Variants in SREBF2 observed in about 807,000 individuals in gnomAD.
SREBF2 encodes sterol regulatory element-binding protein 2.
In SREBF2, 55 loss-of-function variants were observed where a neutral mutation model predicts 113.1. That is an observed-to-expected ratio of 0.49 (90% CI 0.39 to 0.61). The LOEUF (loss-of-function observed/expected upper bound fraction) is 0.61. SREBF2 is among the 20% of genes least tolerant of loss of function. The pLI is 0.00. For missense variants in SREBF2, 1,349 were observed against 1,487.4 expected, an observed-to-expected ratio of 0.91 and a Z score of 1.53; for synonymous variants, 593 against 605.7, an observed-to-expected ratio of 0.98 and a Z score of 0.31.
chr22:41,896,560 C>T (rs569120269), intron 13 of SREBF2, among the ~76,000 whole-genome samples: 1 of 152,278 alleles, frequency 6.6e-6, no homozygotes, highest in South Asian at 2.1e-4. Flanking sequence ...AGAGTTTCAC[C>T]ATTGGTCAGG....
At chr22:41,872,282 C>T (rs1414296356) in intron 4 of SREBF2, among the ~76,000 whole-genome samples, 7 of 150,988 alleles carry the variant, frequency 4.6e-5, no homozygotes, top group Non-Finnish European at 1.0e-4. Flanking sequence ...TGTGTCAAGC[C>T]AAAGGAGTTC....
At chr22:41,855,019 T>TAA (rs746090034) in intron 1 of SREBF2, among the ~76,000 whole-genome samples, 17,176 of 138,382 alleles carry the variant, frequency 0.12, 1,489 homozygotes, top group Admixed American at 0.31. Flanking sequence ...TGTGCAGCAT[T>TAA]AAAAAAAAAA....
Position 41,833,630 on chromosome 22 carries a change from C to T in SREBF2, c.88+272C>T, listed in dbSNP as rs1190474061. On this transcript the variant is annotated intron_variant, in intron 1 of 18. Coordinates refer to ENST00000361204, the MANE Select transcript of SREBF2 (RefSeq NM_004599.4). This position sits in a 1 kb window ranked among gnomAD's most constrained non-coding sequence, Gnocchi z 4.1. The stretch of plus-strand genomic sequence containing the variant: ...GGGTTCCAGAGCGCGGGGCTAGGGA[C>T]GTCGCGGGGGCGTCTCAGGGAGCGG... 3.0e-5 allele frequency: 11 copies of T among 368,770 alleles called. No individual in the cohort carries two copies. Among genetic ancestry groups the T allele is most frequent in the Non-Finnish European group, 5.3e-5 (11 of 207,554 alleles). 22.8% of individuals were successfully genotyped at this position (368,770 alleles called of 1,614,324 possible). A position where few individuals can be genotyped will look rare whatever the true frequency, so the allele number is the denominator to read the frequency against.
chr22:41,891,198 C>T (rs562833042), intron 11 of SREBF2: 11 of 152,190 alleles, frequency 7.2e-5, no homozygotes, highest in African/African-American at 2.7e-4. Flanking sequence ...CCACCACCCC[C>T]CAATCTCCCT....
intron 17 of SREBF2, chr22:41,904,443 G>A (rs983457398): frequency 1.4e-4 from 54 of 398,600 alleles, no homozygotes; most frequent in Non-Finnish European, 2.3e-4. Flanking sequence ...CTAAAGATAC[G>A]GAAAGAGGAT....
rs1276788453 is a variant in SREBF2 at position 41,903,065 on chromosome 22, C to T, written c.3003C>T (p.Tyr1001=). 1 of 1,602,306 alleles carries T rather than the reference C, an allele frequency of 6.2e-7. No individual in the cohort carries two copies. The highest frequency in any genetic ancestry group is 1.1e-5 in the South Asian group (1 of 89,146). The change falls in exon 17 of 19, where the codon TAC becomes TAT. Residue 1001 remains tyrosine, a synonymous_variant. Transcript: ENST00000361204. ...CCAGCCAGGCTGTGGGGGAGACCTA[C>T]CACGCGTCAGGCGCTGAACTGGCGG... ...ASASQAVGET[Y]HASGAELAGF...
In SREBF2 at chr22:41,862,347, T is replaced by C. The variant is rs574513170; in HGVS notation, c.89-4484T>C. 2.0e-5 allele frequency among the ~76,000 whole-genome samples: 3 copies of C among 152,292 alleles called. No homozygotes were observed. The East Asian group carries it at 5.8e-4, about 29-fold the overall frequency. ...TTTAGAGACCAGAACCCAGATACAGTTTCCTGGGGCCTCACCTACTTTGTT... is the reference window on the plus strand; with the variant it reads ...TTTAGAGACCAGAACCCAGATACAGCTTCCTGGGGCCTCACCTACTTTGTT... On this transcript the variant is annotated intron_variant, in intron 1 of 18. Coordinates refer to ENST00000361204, the MANE Select transcript of SREBF2 (RefSeq NM_004599.4).
chr22:41,884,855 A>G lies in SREBF2; in HGVS notation c.2052A>G (p.Ala684=), dbSNP rs574652565. Residue 684 remains alanine, a synonymous_variant, in exon 11 of 19, where the codon GCA becomes GCG. Coordinates refer to ENST00000361204, the MANE Select transcript of SREBF2 (RefSeq NM_004599.4). ...HQLHITGKLP[A]GSACSDVHMA... is the part of the protein sequence containing the mutation. ...TGCCCACCCTAGGGAAGCTTCCTGC[A>G]GGATCCGCCTGTTCCGATGTACACA... 2.5e-6 allele frequency: 4 copies of G among 1,614,180 alleles called. No homozygotes were observed. In the South Asian group the frequency reaches 4.4e-5, roughly 18 times the overall value.
chr22:41,851,800 G>A (rs567932002), intron 1 of SREBF2, among the ~76,000 whole-genome samples: 4 of 151,438 alleles, frequency 2.6e-5, no homozygotes, highest in Admixed American at 6.6e-5. Context: ...CAGCCAATAA[G>A]GCCTTGCTTC....
chr22:41,894,586 C>G (rs963537712), intron 12 of SREBF2, among the ~76,000 whole-genome samples: 1 of 152,128 alleles, frequency 6.6e-6, no homozygotes, highest in African/African-American at 2.4e-5. Context: ...CACCCTCCCC[C>G]ACACCCCCTC....
intron 1 of SREBF2, among the ~76,000 whole-genome samples, chr22:41,835,231 A>ATGTTGCCAG (rs374467207): frequency 1.2e-5 from 1 of 84,736 alleles, no homozygotes; most frequent in Non-Finnish European, 2.4e-5. Context: ...GCACAATCAT[A>ATGTTGCCAG]GCACAAACTC....
chr22:41,880,308 T>G (rs900424680), intron 9 of SREBF2, among the ~76,000 whole-genome samples: 5 of 151,312 alleles, frequency 3.3e-5, no homozygotes, highest in Non-Finnish European at 4.4e-5. Context: ...TCCCAACACT[T>G]TGGAAGGCCG....
At chr22:41,846,076 G>A (rs1249615001) in intron 1 of SREBF2, among the ~76,000 whole-genome samples, 1 of 152,224 alleles carries the variant, frequency 6.6e-6, no homozygotes, top group East Asian at 1.9e-4. Flanking sequence ...TGGGTTTTGT[G>A]TAGACCACAC....
intron 15 of SREBF2, chr22:41,899,980 TAAAG>T (rs2077451186): frequency 1.6e-6 from 2 of 1,212,918 alleles, no homozygotes; most frequent in Non-Finnish European, 2.1e-6. Flanking sequence ...GGTGGTCCCT[TAAAG>T]AACGGGTACA....
intron 1 of SREBF2, among the ~76,000 whole-genome samples, chr22:41,850,382 C>T (rs1185777511): frequency 1.3e-5 from 2 of 150,318 alleles, no homozygotes; most frequent in East Asian, 2.0e-4. Context: ...ACCAGGGAGG[C>T]GGAGGCTGCA....
intron 1 of SREBF2, among the ~76,000 whole-genome samples, chr22:41,863,046 G>T (rs546291466): frequency 6.6e-6 from 1 of 152,296 alleles, no homozygotes; most frequent in African/African-American, 2.4e-5. Context: ...GACAAAATGA[G>T]ATCAGTGCAC....
In SREBF2 at chr22:41,893,107, C is replaced by T. The variant is rs1243013552; in HGVS notation, c.2209-10C>T. On this transcript the variant is annotated splice_polypyrimidine_tract_variant and intron_variant, in intron 11 of 18. Coordinates refer to ENST00000361204, the MANE Select transcript of SREBF2 (RefSeq NM_004599.4). ...CCTTGGTGTTACCCCTGGTCCTTGT[C>T]CTTCCACAGAGCTACTTCCTCAGCC... 8 of 1,612,886 alleles carry T rather than the reference C, an allele frequency of 5.0e-6. No homozygotes were observed. The highest frequency in any genetic ancestry group is 2.2e-5 in the East Asian group (1 of 44,886).
At chr22:41,879,440 T>A (rs2077225980) in intron 9 of SREBF2, among the ~76,000 whole-genome samples, 1 of 152,072 alleles carries the variant, frequency 6.6e-6, no homozygotes, top group Non-Finnish European at 1.5e-5. Flanking sequence ...TTGGGAAGCA[T>A]GTCTGTCAGC....
chr22:41,903,511 C>T (rs781087695), intron 17 of SREBF2, among the ~76,000 whole-genome samples: 10 of 152,136 alleles, frequency 6.6e-5, no homozygotes, highest in Non-Finnish European at 1.2e-4. Flanking sequence ...GGCCTGGTCC[C>T]GAGCTCCACG....
Sources: gnomAD v4.1 joint callset for allele counts (sites outside exome capture counted in the v4.1 genomes callset) on GRCh38, gnomAD v4.1.1 for gene constraint, Gnocchi (gnomAD v3.1) non-coding constraint, MANE v1.5 for transcripts, NCBI Gene and HGNC (gene_info 2026-07-23, HGNC 2026-07-21) for gene names.